The following NISCH variants were observed in gnomAD, a reference collection of about 807,000 sequenced individuals.
The protein encoded by NISCH is I-1 receptor candidate protein.
Under a neutral mutation model 138.4 loss-of-function variants are expected in NISCH, and 55 were observed. The observed-to-expected ratio is 0.40, with a 90% confidence interval of 0.32 to 0.50. NISCH has a LOEUF of 0.50. Among genes scored for constraint, NISCH ranks in the 20% least tolerant of loss-of-function variants. The probability of loss-of-function intolerance (pLI) is 0.71; values close to 1 mark genes in which losing one functional copy is unlikely to be tolerated. For synonymous variants in NISCH, 860 were observed against 861.5 expected (o/e 1.00, Z 0.03); for missense variants, 1,643 against 2,005.5 (o/e 0.82, Z 3.45).
At chr3:52,458,602 G>A in intron 2 of NISCH, 60 bp from the exon 3 acceptor site, 1 of 1,451,612 alleles carries the variant, frequency 6.9e-7, no homozygotes, top group South Asian at 1.3e-5. Flanking sequence ...TTCTTGCCTT[G>A]GTCTTACATA....
At chr3:52,479,590 G>A (rs1028514233) in intron 11 of NISCH, among the ~76,000 whole-genome samples, 159 bp from the exon 12 acceptor site, 4 of 152,062 alleles carry the variant, frequency 2.6e-5, no homozygotes, top group Non-Finnish European at 4.4e-5. Flanking sequence ...GTGTCCTCAC[G>A]TGGCCTGGCC....
In NISCH at chr3:52,488,386, C is replaced by A; in HGVS notation, c.2894C>A (p.Ala965Asp). The A allele has an allele frequency of 6.2e-7, 1 of 1,613,870 alleles. No homozygotes were observed. Among genetic ancestry groups the A allele is most frequent in the Middle Eastern group, 1.6e-4 (1 of 6,062 alleles). ...PTRSCTQPRGAFADGHVLELL... is the reference protein window; with the variant it reads ...PTRSCTQPRGDFADGHVLELL... The stretch of plus-strand genomic sequence containing the variant: ...CGCAGCTGTACCCAGCCTCGGGGCG[C>A]CTTTGCTGATGGCCACGTGCTAGAG... Residue 965 changes from alanine (A) to aspartate (D), a missense_variant, in exon 16 of 21, where the codon GCC (alanine) becomes GAC (aspartate). Transcript: ENST00000345716.
chr3:52,471,890 G>T lies in NISCH; in HGVS notation c.486G>T (p.Gln162His). The change falls in exon 5 of 21, where the codon CAG (glutamine) becomes CAT (histidine). Residue 162 changes from glutamine to histidine, a missense_variant. Transcript: ENST00000345716. Reference protein sequence around the residue: ...LQLYAVTEQLQQGKPTCASGD... With the variant: ...LQLYAVTEQLHQGKPTCASGD... ...TGTATGCCGTCACGGAGCAGCTGCA[G>T]CAGGGAAAGCCCACGTGCGCCAGTG... 1 of 1,613,460 alleles carries T rather than the reference G, an allele frequency of 6.2e-7. No individual in the cohort carries two copies. The highest frequency in any genetic ancestry group is 8.5e-7 in the Non-Finnish European group (1 of 1,179,682).
At chr3:52,455,983 G>A (rs1187963812) in intron 1 of NISCH, among the ~76,000 whole-genome samples, 4 of 149,612 alleles carry the variant, frequency 2.7e-5, no homozygotes, top group Admixed American at 6.7e-5. Flanking sequence ...GGAGGCTCGG[G>A]TTGGGGGCGG....
intron 13 of NISCH, among the ~76,000 whole-genome samples, chr3:52,482,518 A>T (rs1446700997): frequency 6.6e-6 from 1 of 152,208 alleles, no homozygotes. Flanking sequence ...TGGGACCTCA[A>T]GCAACTTGTA....
At chr3:52,477,288 A>G (rs1578296198) in intron 8 of NISCH, among the ~76,000 whole-genome samples, 1 of 152,164 alleles carries the variant, frequency 6.6e-6, no homozygotes, top group Non-Finnish European at 1.5e-5. Context: ...GCAGGGTTGA[A>G]GAAGAACAGA....
In NISCH at chr3:52,478,237, C is replaced by G; in HGVS notation, c.1128C>G (p.Leu376=). ...AGAGTCTGAGTGGCCTGCACAAGCT[C>G]TACTCACTGGTCAACCTGGATCTCC... ...LLESLSGLHK[L]YSLVNLDLRD... Residue 376 remains leucine (L), a synonymous_variant, in exon 10 of 21, where the codon CTC becomes CTG. Coordinates refer to ENST00000345716, the MANE Select transcript of NISCH (RefSeq NM_007184.4). The G allele has an allele frequency of 6.2e-7, 1 of 1,614,138 alleles. No homozygotes were observed. Among genetic ancestry groups the G allele is most frequent in the Non-Finnish European group, 8.5e-7 (1 of 1,179,988 alleles).
intron 3 of NISCH, among the ~76,000 whole-genome samples, chr3:52,469,139 C>T (rs1706869673): frequency 6.6e-6 from 1 of 152,226 alleles, no homozygotes; most frequent in Non-Finnish European, 1.5e-5. Flanking sequence ...ACGTGAATTG[C>T]TTGTCCTGGT....
chr3:52,474,211 T>C (rs1707033205), intron 7 of NISCH, among the ~76,000 whole-genome samples: 1 of 152,072 alleles, frequency 6.6e-6, no homozygotes, highest in African/African-American at 2.4e-5. Context: ...CCTCCTGGGG[T>C]CAAGCGATTC....
chr3:52,476,723 C>T, intron 8 of NISCH, 124 bp downstream of exon 8: 1 of 959,130 alleles, frequency 1.0e-6, no homozygotes, highest in Non-Finnish European at 1.6e-6. Context: ...TGTGCATTGC[C>T]TGCCATTTTA....
At chr3:52,485,937 A>G in intron 15 of NISCH, 110 bp downstream of exon 15, 1 of 971,508 alleles carries the variant, frequency 1.0e-6, no homozygotes, top group Non-Finnish European at 1.6e-6. Flanking sequence ...CCGTTCACAG[A>G]AGGCCTATAG....
chr3:52,479,776 G>A lies in NISCH; in HGVS notation c.1330G>A (p.Glu444Lys). 1 of 1,613,722 alleles carries A rather than the reference G, an allele frequency of 6.2e-7. No homozygotes were observed. The highest frequency in any genetic ancestry group is 8.5e-7 in the Non-Finnish European group (1 of 1,179,840). The change falls in exon 12 of 21, where the codon GAG becomes AAG. Residue 444 changes from glutamate (E) to lysine (K), a missense_variant. Physicochemically the swap from Glu to Lys is moderately conservative, Grantham distance 56. Coordinates refer to ENST00000345716, the MANE Select transcript of NISCH (RefSeq NM_007184.4). ...EVCLDDTVTT[E>K]KELDTVEVLK... is the part of the protein sequence containing the mutation. ...CTGTCTGGATGACACAGTGACCACA[G>A]AGAAGGAGCTGGACACTGTGGAAGT...
intron 3 of NISCH, among the ~76,000 whole-genome samples, chr3:52,463,762 C>A (rs6772177): frequency 7.9e-6 from 1 of 126,274 alleles, no homozygotes; most frequent in African/African-American, 3.1e-5. Context: ...CTCGCTCTGT[C>A]GCACAGGCTG....
chr3:52,485,389 A>G (rs1041081972), intron 14 of NISCH, among the ~76,000 whole-genome samples: 15 of 152,162 alleles, frequency 9.9e-5, no homozygotes, highest in African/African-American at 3.6e-4. Context: ...GTGCACAGAG[A>G]CCATTGGGAG....
At chr3:52,477,519 C>G (rs1052257287) in intron 8 of NISCH, 55 bp from the exon 9 acceptor site, 1 of 1,476,934 alleles carries the variant, frequency 6.8e-7, no homozygotes, top group Non-Finnish European at 9.5e-7. Flanking sequence ...TGTCGGGGAC[C>G]GTGTTTGGGG....
In NISCH at chr3:52,492,616, A is replaced by G. The variant is rs2153232004; in HGVS notation, c.*134A>G. ...GACTGTCCTCGCAGAGAATGTGAAC[A>G]TGTGTGTGTGTTGTGTTAATTCTTT... On this transcript the variant is annotated 3_prime_UTR_variant, in exon 21 of 21. Coordinates refer to ENST00000345716, the MANE Select transcript of NISCH (RefSeq NM_007184.4). 5.2e-6 allele frequency: 6 copies of G among 1,147,546 alleles called. No individual in the cohort carries two copies. Among genetic ancestry groups the G allele is most frequent in the African/African-American group, 1.6e-5 (1 of 64,372 alleles). The allele number at this position is 1,147,546 out of a possible 1,614,324, so 71.1% of individuals were successfully genotyped here.
At chr3:52,480,060 TATG>T (rs1365264805) in intron 12 of NISCH, 121 bp from the exon 13 acceptor site, 4 of 1,133,240 alleles carry the variant, frequency 3.5e-6, no homozygotes, top group Non-Finnish European at 5.3e-6. Context: ...GCTCTAAGGA[TATG>T]ATGAGACCAT....
chr3:52,456,479 C>T (rs1706473902), intron 1 of NISCH, among the ~76,000 whole-genome samples: 1 of 151,260 alleles, frequency 6.6e-6, no homozygotes, highest in African/African-American at 2.4e-5. Flanking sequence ...TAGTTCCCGA[C>T]TTTGACGGGG....
chr3:52,478,616 TC>T, intron 11 of NISCH, 39 bp downstream of exon 11: 1 of 1,595,064 alleles, frequency 6.3e-7, no homozygotes, highest in Non-Finnish European at 8.6e-7. Flanking sequence ...AGGGAGACCT[TC>T]GGGATGCAGT....
Sources: gnomAD v4.1 joint callset for allele counts (sites outside exome capture counted in the v4.1 genomes callset) on GRCh38, gnomAD v4.1.1 for gene constraint, MANE v1.5 for transcripts, NCBI Gene and HGNC (gene_info 2026-07-23, HGNC 2026-07-21) for gene names.